The following RANBP2 variants were observed in gnomAD, a reference collection of about 807,000 sequenced individuals.
RANBP2 encodes the protein RAN binding protein 2, also known as E3 SUMO-protein ligase RanBP2.
Under a neutral mutation model 303.6 loss-of-function variants are expected in RANBP2, and 57 were observed. That is an observed-to-expected ratio of 0.19 (90% CI 0.15 to 0.23). The LOEUF (loss-of-function observed/expected upper bound fraction) is 0.23. Among genes scored for constraint, RANBP2 ranks in the 10% least tolerant of loss-of-function variants. The pLI is 1.00. For synonymous variants in RANBP2, 1,167 were observed against 1,301.5 expected (o/e 0.90, Z 2.23); for missense variants, 3,138 against 3,780.8 (o/e 0.83, Z 4.46).
the RANBP2 span, chr2:109,129,950 C>A: frequency 1.4e-6 from 2 of 1,467,882 alleles, no homozygotes; most frequent in Admixed American, 2.3e-5. Flanking sequence ...AGCCCGCCCG[C>A]GCGTCCCATC....
At chr2:109,059,501 G>A in the RANBP2 span, among the ~76,000 whole-genome samples, 4 of 152,088 alleles carry the variant, frequency 2.6e-5, no homozygotes, top group African/African-American at 7.2e-5. Flanking sequence ...TGTGAATCCC[G>A]GGAGGCAGAG....
chr2:109,364,343 T>C, the RANBP2 span, among the ~76,000 whole-genome samples: 1 of 152,166 alleles, frequency 6.6e-6, no homozygotes, highest in Non-Finnish European at 1.5e-5. Context: ...TGGCTCTTTA[T>C]CTTTGCTTAC....
At chr2:109,636,549 A>G in the RANBP2 span, among the ~76,000 whole-genome samples, 108 of 152,324 alleles carry the variant, frequency 7.1e-4, no homozygotes, top group Non-Finnish European at 1.0e-3. Context: ...AAGGAGACCC[A>G]AGAAATATGA....
At chr2:108,903,504 A>G in the RANBP2 span, among the ~76,000 whole-genome samples, 2 of 152,212 alleles carry the variant, frequency 1.3e-5, no homozygotes, top group Non-Finnish European at 2.9e-5. Flanking sequence ...TTATTACATA[A>G]TTTATACAAG....
chr2:109,237,815 C>T, the RANBP2 span, among the ~76,000 whole-genome samples: 5 of 152,220 alleles, frequency 3.3e-5, no homozygotes, highest in African/African-American at 1.2e-4. Context: ...ACTTTCTACA[C>T]AAAGTTTCCA....
chr2:108,779,306 C>T (rs1678084990), intron 25 of RANBP2, among the ~76,000 whole-genome samples: 1 of 152,034 alleles, frequency 6.6e-6, no homozygotes, highest in Admixed American at 6.6e-5. Flanking sequence ...GGATTACAGG[C>T]ATGCACTGCA....
chr2:109,084,474 G>A, the RANBP2 span, among the ~76,000 whole-genome samples: 2 of 152,190 alleles, frequency 1.3e-5, no homozygotes, highest in African/African-American at 4.8e-5. Flanking sequence ...CAGGCCTGAG[G>A]AGCCCTCCCC....
At chr2:108,868,932 A>G in the RANBP2 span, among the ~76,000 whole-genome samples, 1 of 152,146 alleles carries the variant, frequency 6.6e-6, no homozygotes, top group Non-Finnish European at 1.5e-5. Context: ...TTTCTATTTG[A>G]TTAAGCTATA....
At chr2:109,720,078 G>T in the RANBP2 span, among the ~76,000 whole-genome samples, 1 of 152,110 alleles carries the variant, frequency 6.6e-6, no homozygotes, top group Admixed American at 6.6e-5. Context: ...GCTAAAGTCA[G>T]CTGCTCTTTG....
chr2:108,911,987 G>T, the RANBP2 span, among the ~76,000 whole-genome samples: 1 of 152,174 alleles, frequency 6.6e-6, no homozygotes, highest in African/African-American at 2.4e-5. Flanking sequence ...CTCCCCCCGG[G>T]GCCTGTGCAA....
the RANBP2 span, among the ~76,000 whole-genome samples, chr2:109,586,382 T>C: frequency 3.9e-5 from 6 of 152,082 alleles, no homozygotes; most frequent in African/African-American, 9.7e-5. Context: ...AGGAAACTTA[T>C]CAGGTGAGAT....
chr2:109,440,654 T>C, the RANBP2 span, among the ~76,000 whole-genome samples: 1 of 152,160 alleles, frequency 6.6e-6, no homozygotes, highest in African/African-American at 2.4e-5. Context: ...ATGAGAGAAG[T>C]TGCAGGCAGT....
chr2:108,938,407 G>A, the RANBP2 span, among the ~76,000 whole-genome samples: 1 of 152,188 alleles, frequency 6.6e-6, no homozygotes. Flanking sequence ...TGGGGCTGGC[G>A]TCCCAAAGAG....
the RANBP2 span, among the ~76,000 whole-genome samples, chr2:109,722,116 C>A: frequency 6.6e-6 from 1 of 152,120 alleles, no homozygotes; most frequent in South Asian, 2.1e-4. Flanking sequence ...AGGTTAAAAT[C>A]GATTTTAGAG....
At chr2:109,714,984 C>A in the RANBP2 span, among the ~76,000 whole-genome samples, 3 of 81,544 alleles carry the variant, frequency 3.7e-5, no homozygotes, top group African/African-American at 1.4e-4. Flanking sequence ...GGGGTGGGGG[C>A]GGGGCGTGGA....
the RANBP2 span, among the ~76,000 whole-genome samples, chr2:109,052,137 A>G: frequency 6.6e-6 from 1 of 152,234 alleles, no homozygotes; most frequent in Non-Finnish European, 1.5e-5. Flanking sequence ...AACAGAATGA[A>G]AGAAGGCATG....
chr2:109,474,965 TTTTTTTTG>T, the RANBP2 span, among the ~76,000 whole-genome samples: 13 of 151,380 alleles, frequency 8.6e-5, no homozygotes, highest in Non-Finnish European at 1.5e-4. Context: ...TTTGTTTGGG[TTTTTTTTG>T]TTTGTTTGTT....
chr2:109,557,804 A>G, the RANBP2 span, among the ~76,000 whole-genome samples: 7 of 152,120 alleles, frequency 4.6e-5, 1 homozygote, highest in African/African-American at 1.4e-4. Context: ...TTTTCTTGCT[A>G]TACTATTCCC....
chr2:109,581,785 A>G, the RANBP2 span, among the ~76,000 whole-genome samples: 1 of 152,230 alleles, frequency 6.6e-6, no homozygotes, highest in Non-Finnish European at 1.5e-5. Context: ...GCCTGAGCTC[A>G]CCATTCTTAT....
Sources: gnomAD v4.1 joint callset for allele counts (sites outside exome capture counted in the v4.1 genomes callset) on GRCh38, gnomAD v4.1.1 for gene constraint, MANE v1.5 for transcripts, NCBI Gene and HGNC (gene_info 2026-07-23, HGNC 2026-07-21) for gene names.